Variants in GNB1L observed in about 807,000 individuals in gnomAD.
GNB1L encodes the protein G protein subunit beta 1 like.
Under a neutral mutation model 29.1 loss-of-function variants are expected in GNB1L, and 20 were observed. The observed-to-expected ratio is 0.69, with a 90% CI of 0.48 to 1.00. GNB1L has a LOEUF of 1.00. Ranked by LOEUF, GNB1L falls within the 50% of genes least tolerant of loss-of-function variation. The pLI is 0.00. For synonymous variants in GNB1L, 193 were observed against 206.5 expected (o/e 0.93, Z 0.56); for missense variants, 421 against 464.9 (o/e 0.91, Z 0.87).
At chr22:19,852,022 A>G in intron 2 of GNB1L, 3 of 1,613,478 alleles carry the variant, frequency 1.9e-6, no homozygotes, top group Middle Eastern at 1.7e-4. Context: ...CAGCTAGGGG[A>G]CCCCTTTCTG....
rs755020816 is a variant in GNB1L, at chr22:19,788,636, T to G, written c.*73A>C. 1.9e-6 allele frequency: 3 copies of G among 1,592,606 alleles called. No homozygotes were observed. The Admixed American group carries it at 5.0e-5, about 27-fold the overall frequency. On this transcript the variant is annotated 3_prime_UTR_variant, in exon 8 of 8. Coordinates refer to ENST00000329517, the MANE Select transcript of GNB1L (RefSeq NM_053004.3). ...CTGGTCCTCAGAGGCCCTTGAGGTT[T>G]CAGGCCAAGGCTGGGGCCTGATGCC...
intron 7 of GNB1L, chr22:19,792,212 G>A (rs550213526): frequency 1.7e-5 from 10 of 601,904 alleles, no homozygotes; most frequent in South Asian, 1.7e-4. Flanking sequence ...TGGCAGAGAT[G>A]TTGAACATAT....
intron 5 of GNB1L, among the ~76,000 whole-genome samples, chr22:19,810,546 T>C (rs1937487464): frequency 6.6e-6 from 1 of 152,288 alleles, no homozygotes; most frequent in East Asian, 1.9e-4. Context: ...CACGTCTACC[T>C]GGGCTGGGTC....
rs1937382884 is a variant in GNB1L, at chr22:19,802,231, A to G, written c.517-15T>C. ...CTGCAGTCGGCCTGCGGGGAACAGC[A>G]GAGCAGTCAGCTCCTGGAAGGACCC... On this transcript the variant is annotated splice_polypyrimidine_tract_variant and intron_variant, in intron 6 of 7. Coordinates refer to ENST00000329517, the MANE Select transcript of GNB1L (RefSeq NM_053004.3). 3.1e-6 allele frequency: 5 copies of G among 1,607,600 alleles called. No individual in the cohort carries two copies. The highest frequency in any genetic ancestry group is 4.2e-6 in the Non-Finnish European group (5 of 1,176,752).
rs751011522 is a variant in GNB1L at position 19,788,603 on chromosome 22, A to G, written c.*106T>C. The G allele has an allele frequency of 1.4e-6, 2 of 1,400,950 alleles. No homozygotes were observed. Among genetic ancestry groups the G allele is most frequent in the South Asian group, 1.2e-5 (1 of 86,856 alleles). The allele number at this position is 1,400,950 out of a possible 1,614,324, so 86.8% of individuals were successfully genotyped here. ...GCGGGGACTCCATGGTCCTTGGGCC[A>G]TGACTTGCTGGTCCTCAGAGGCCCT... On this transcript the variant is annotated 3_prime_UTR_variant, in exon 8 of 8. Transcript: ENST00000329517.
At chr22:19,824,778 G>A (rs1259923719) in intron 2 of GNB1L, among the ~76,000 whole-genome samples, 1 of 152,200 alleles carries the variant, frequency 6.6e-6, no homozygotes, top group Non-Finnish European at 1.5e-5. Flanking sequence ...ATGTCCTGCT[G>A]GCGCAAACCC....
chr22:19,829,161 T>G (rs1287401957), intron 2 of GNB1L, among the ~76,000 whole-genome samples: 1 of 152,120 alleles, frequency 6.6e-6, no homozygotes. Flanking sequence ...ACAAGTCAGA[T>G]CACGTGGACA....
chr22:19,852,542 G>A, intron 2 of GNB1L: 1 of 440,872 alleles, frequency 2.3e-6, no homozygotes, highest in Non-Finnish European at 4.1e-6. Context: ...TCACCCACTG[G>A]ACTGGTGGGA....
At chr22:19,849,502 G>A (rs1938045350) in intron 2 of GNB1L, 1 of 275,666 alleles carries the variant, frequency 3.6e-6, no homozygotes, top group Non-Finnish European at 5.5e-6. Context: ...CCAAGTAGCT[G>A]AGATTACAGG....
rs192430584 is a variant in GNB1L at position 19,808,012 on chromosome 22, G to A, written c.418-1255C>T. Among the ~76,000 whole-genome samples, 91 of 152,306 alleles carry A rather than the reference G, an allele frequency of 6.0e-4. 1 individual carries two copies. In the East Asian group the frequency reaches 0.017, roughly 28 times the overall value. On this transcript the variant is annotated intron_variant, in intron 5 of 7. Transcript: ENST00000329517. ...CCAGTACGCGGACCAGGGCCACGGC[G>A]CTTCTTGTGCAGGCTGCTCTTGCCA...
At chr22:19,838,866 T>C (rs1203059440) in intron 2 of GNB1L, among the ~76,000 whole-genome samples, 1 of 152,100 alleles carries the variant, frequency 6.6e-6, no homozygotes, top group African/African-American at 2.4e-5. Context: ...AACCTGTACA[T>C]GAATGTTTAT....
chr22:19,798,400 T>TGGTA lies in GNB1L; in HGVS notation c.732+3597_732+3600dup, dbSNP rs139755186. 3.2e-3 allele frequency among the ~76,000 whole-genome samples: 480 copies of TGGTA among 152,168 alleles called. 3 individuals carry two copies. The highest frequency in any genetic ancestry group is 0.011 in the African/African-American group (455 of 41,502). ...TCCTGTGACCTCTGCCCTAAGTCAG[T>TGGTA]GGTAGAGAGGGAACAACAGGCCACA... On this transcript the variant is annotated intron_variant, in intron 7 of 7. Coordinates refer to ENST00000329517, the MANE Select transcript of GNB1L (RefSeq NM_053004.3).
At chr22:19,802,570 G>A (rs1276147053) in intron 6 of GNB1L, among the ~76,000 whole-genome samples, 1 of 152,196 alleles carries the variant, frequency 6.6e-6, no homozygotes, top group Non-Finnish European at 1.5e-5. Flanking sequence ...GTGATGCTGG[G>A]CACCCACCAG....
chr22:19,804,513 G>C (rs1937410208), intron 6 of GNB1L, among the ~76,000 whole-genome samples: 1 of 152,258 alleles, frequency 6.6e-6, no homozygotes, highest in Middle Eastern at 3.4e-3. Context: ...CAGGTCAGCT[G>C]CTTAGAGGAG....
At chr22:19,835,985 G>A (rs1937759232) in intron 2 of GNB1L, among the ~76,000 whole-genome samples, 1 of 152,138 alleles carries the variant, frequency 6.6e-6, no homozygotes, top group Non-Finnish European at 1.5e-5. Context: ...CAATGACCTG[G>A]TTTATGCCTT....
At chr22:19,840,371 CT>C (rs1225870240) in intron 2 of GNB1L, among the ~76,000 whole-genome samples, 1 of 152,212 alleles carries the variant, frequency 6.6e-6, no homozygotes, top group Non-Finnish European at 1.5e-5. Context: ...CAGTGACTCC[CT>C]TCCTAAGAGG....
intron 2 of GNB1L, among the ~76,000 whole-genome samples, chr22:19,831,289 C>T (rs941292351): frequency 6.6e-6 from 1 of 150,638 alleles, no homozygotes; most frequent in African/African-American, 2.4e-5. Context: ...TGCTTTAACC[C>T]AGGAGGCGAA....
rs1309224167 is a variant in GNB1L at position 19,821,286 on chromosome 22, G to A, written c.70C>T (p.His24Tyr). Reference sequence around the variant, plus strand: ...GCTCCTTCGCAGAAGTGCAGCGCATGCACCGGTGACTGGGTGCCTCGGAGG... The same window carrying A: ...GCTCCTTCGCAGAAGTGCAGCGCATACACCGGTGACTGGGTGCCTCGGAGG... ...FVLRGTQSPV[H>Y]ALHFCEGAQA... Residue 24 changes from histidine to tyrosine, a missense_variant, in exon 3 of 8, where the codon CAT (histidine) becomes TAT (tyrosine). Physicochemically the swap from His to Tyr is moderately conservative, Grantham distance 83. Transcript: ENST00000329517. 14 of 1,613,306 alleles carry A rather than the reference G, an allele frequency of 8.7e-6. No individual in the cohort carries two copies. The highest frequency in any genetic ancestry group is 1.1e-5 in the Non-Finnish European group (13 of 1,179,858).
intron 4 of GNB1L, among the ~76,000 whole-genome samples, chr22:19,819,115 C>A (rs1319549267): frequency 1.3e-5 from 2 of 152,230 alleles, no homozygotes; most frequent in African/African-American, 4.8e-5. Flanking sequence ...TGCTCTGCTG[C>A]CAGCTGCCCA....
Sources: gnomAD v4.1 joint callset for allele counts (sites outside exome capture counted in the v4.1 genomes callset) on GRCh38, gnomAD v4.1.1 for gene constraint, MANE v1.5 for transcripts, NCBI Gene and HGNC (gene_info 2026-07-23, HGNC 2026-07-21) for gene names.